Variants in DOCK1 observed in about 807,000 individuals in gnomAD.
The protein encoded by DOCK1 is dedicator of cytokinesis protein 1.
A neutral mutation model predicts 262.7 loss-of-function variants in DOCK1; 138 were observed. The observed-to-expected ratio is 0.53, with a 90% CI of 0.46 to 0.61. The LOEUF is 0.61. DOCK1 is among the 20% of genes least tolerant of loss of function. DOCK1 has a pLI of 0.00. For missense variants in DOCK1, 1,908 were observed against 2,370.7 expected, an observed-to-expected ratio of 0.80 and a Z score of 4.05; for synonymous variants, 866 against 867.4, an observed-to-expected ratio of 1.00 and a Z score of 0.03.
At chr10:127,240,784 AAATC>A (rs1375759035) in intron 27 of DOCK1, among the ~76,000 whole-genome samples, 3 of 152,214 alleles carry the variant, frequency 2.0e-5, no homozygotes, top group Non-Finnish European at 4.4e-5. Context: ...ATGTGTGAGA[AAATC>A]AAAGCAACAA....
At chr10:127,382,208 A>T (rs1590804371) in intron 37 of DOCK1, among the ~76,000 whole-genome samples, 1 of 152,226 alleles carries the variant, frequency 6.6e-6, no homozygotes, top group Non-Finnish European at 1.5e-5. Context: ...CCTCCCAAAA[A>T]CCAAAAATGT....
intron 27 of DOCK1, among the ~76,000 whole-genome samples, chr10:127,183,618 T>G (rs532840214): frequency 6.6e-6 from 1 of 152,342 alleles, no homozygotes; most frequent in East Asian, 1.9e-4. Flanking sequence ...TGTAATCTTC[T>G]CGGCCCTCAT....
chr10:127,062,061 C>G (rs528769904), intron 23 of DOCK1, among the ~76,000 whole-genome samples: 1 of 150,636 alleles, frequency 6.6e-6, no homozygotes, highest in South Asian at 2.1e-4. Flanking sequence ...CTCAGCCTCC[C>G]GAATTGCTGG....
chr10:126,958,930 C>G (rs998464784), intron 1 of DOCK1, among the ~76,000 whole-genome samples: 2 of 152,128 alleles, frequency 1.3e-5, no homozygotes, highest in African/African-American at 4.8e-5. Context: ...GTGCCCCAGG[C>G]GGTCGGGGTG....
intron 23 of DOCK1, among the ~76,000 whole-genome samples, chr10:127,101,788 G>C (rs1354939486): frequency 6.6e-6 from 1 of 152,188 alleles, no homozygotes; most frequent in Admixed American, 6.5e-5. Context: ...TGCTACAGGC[G>C]GTTGATGCTT....
intron 28 of DOCK1, among the ~76,000 whole-genome samples, chr10:127,251,080 A>G (rs913779022): frequency 6.6e-6 from 1 of 151,882 alleles, no homozygotes; most frequent in Admixed American, 6.6e-5. Flanking sequence ...CTCCTGCTTC[A>G]GCCTCCCGAG....
intron 4 of DOCK1, among the ~76,000 whole-genome samples, chr10:126,985,059 C>T (rs1368349668): frequency 1.4e-5 from 2 of 146,382 alleles, no homozygotes; most frequent in Non-Finnish European, 3.0e-5. Context: ...CCGCTCACTG[C>T]AACCTCTGCC....
chr10:127,449,111 C>T (rs1183389558), intron 51 of DOCK1, among the ~76,000 whole-genome samples: 4 of 152,164 alleles, frequency 2.6e-5, no homozygotes, highest in Non-Finnish European at 5.9e-5. Flanking sequence ...GGAGGAGGCA[C>T]CAGGTTCCCC....
chr10:127,266,741 C>A (rs187766396), intron 29 of DOCK1, among the ~76,000 whole-genome samples: 2 of 152,188 alleles, frequency 1.3e-5, no homozygotes, highest in African/African-American at 2.4e-5. Flanking sequence ...TGAAAACATT[C>A]TGGAATGAAG....
At chr10:127,154,011 CA>C in intron 27 of DOCK1, 1 of 853,334 alleles carries the variant, frequency 1.2e-6, no homozygotes, top group Non-Finnish European at 2.0e-6. Flanking sequence ...AATGCCTTCC[CA>C]ATGCCAAGCT....
chr10:127,140,579 C>T (rs2051134361), intron 27 of DOCK1, among the ~76,000 whole-genome samples: 1 of 135,802 alleles, frequency 7.4e-6, no homozygotes, highest in South Asian at 2.4e-4. Flanking sequence ...ACACTGCTTC[C>T]TGCTCAAGGA....
chr10:127,121,226 C>CT (rs35938133), intron 25 of DOCK1, among the ~76,000 whole-genome samples: 9,430 of 136,074 alleles, frequency 0.069, 837 homozygotes, highest in African/African-American at 0.21. Context: ...ACCCCTCCTC[C>CT]TTTTTTTTTT....
intron 27 of DOCK1, among the ~76,000 whole-genome samples, chr10:127,173,050 G>T (rs1401268253): frequency 8.5e-5 from 13 of 152,184 alleles, no homozygotes; most frequent in African/African-American, 3.1e-4. Flanking sequence ...GTGGCAGCCT[G>T]TGTGCCGGGC....
At chr10:127,432,796 G>T (rs529387897) in intron 47 of DOCK1, among the ~76,000 whole-genome samples, 1 of 152,292 alleles carries the variant, frequency 6.6e-6, no homozygotes, top group East Asian at 1.9e-4. Flanking sequence ...GAAAGGAAAC[G>T]TACTCTTCAT....
At chr10:127,042,564 C>A in intron 19 of DOCK1, 61 bp from the exon 20 acceptor site, 4 of 1,418,692 alleles carry the variant, frequency 2.8e-6, no homozygotes, top group Non-Finnish European at 4.0e-6. Context: ...GATAGTTATT[C>A]CAGTGTGTGG....
chr10:127,339,600 TGA>T (rs72345552), intron 30 of DOCK1, among the ~76,000 whole-genome samples: 9 of 149,938 alleles, frequency 6.0e-5, no homozygotes, highest in South Asian at 2.1e-4. Context: ...ATGCAGTGTG[TGA>T]GAGAGAGAGA....
At chr10:127,301,772 C>G (rs1424760929) in intron 29 of DOCK1, among the ~76,000 whole-genome samples, 4 of 151,960 alleles carry the variant, frequency 2.6e-5, no homozygotes, top group East Asian at 3.9e-4. Context: ...ATGGCAAAAC[C>G]CCACCTCTAC....
intron 18 of DOCK1, among the ~76,000 whole-genome samples, chr10:127,034,784 C>T (rs1457845677): frequency 6.6e-6 from 1 of 152,194 alleles, no homozygotes; most frequent in Non-Finnish European, 1.5e-5. Flanking sequence ...TCATCTTTCC[C>T]CATTCAAAGC....
chr10:127,357,521 A>G (rs1590665444), intron 32 of DOCK1, among the ~76,000 whole-genome samples: 1 of 152,210 alleles, frequency 6.6e-6, no homozygotes, highest in Non-Finnish European at 1.5e-5. Context: ...GTCAAGCGAC[A>G]GGAGACTTTT....
Sources: gnomAD v4.1 joint callset for allele counts (sites outside exome capture counted in the v4.1 genomes callset) on GRCh38, gnomAD v4.1.1 for gene constraint, MANE v1.5 for transcripts, NCBI Gene and HGNC (gene_info 2026-07-23, HGNC 2026-07-21) for gene names.